The following ZAP70 variants were observed in gnomAD, a reference collection of about 807,000 sequenced individuals.
ZAP70 encodes the protein zeta chain of T cell receptor associated protein kinase 70.
In ZAP70, 27 loss-of-function variants were observed where a neutral mutation model predicts 65.8. The observed-to-expected ratio is 0.41, with a 90% CI of 0.30 to 0.57. The LOEUF (loss-of-function observed/expected upper bound fraction) is 0.57, where lower values mean the gene tolerates loss of function less well. Among genes scored for constraint, ZAP70 ranks in the 20% least tolerant of loss-of-function variants. The pLI is 0.28. For missense variants in ZAP70, 696 were observed against 870.5 expected (o/e 0.80, Z 2.52); for synonymous variants, 363 against 360.8 (o/e 1.01, Z -0.07).
chr2:97,730,000 G>C (rs13025484), intron 4 of ZAP70, among the ~76,000 whole-genome samples: 1 of 119,000 alleles, frequency 8.4e-6, no homozygotes, highest in African/African-American at 3.4e-5. Context: ...GCTGAGGCAG[G>C]CGGATCGTCT....
rs144729749 is a variant in ZAP70, at chr2:97,732,937, G to A, written c.618G>A (p.Lys206=). Residue 206 remains lysine (K), a synonymous_variant, in exon 5 of 14, where the codon AAG becomes AAA. Transcript: ENST00000264972. The part of the protein sequence containing the change: ...GTYALSLIYG[K]TVYHYLISQD... ...ACGCCCTGTCCCTCATCTATGGGAA[G>A]ACGGTGTACCACTACCTCATCAGCC... 6.2e-7 allele frequency: 1 copy of A among 1,614,122 alleles called. No homozygotes were observed. Among genetic ancestry groups the A allele is most frequent in the Non-Finnish European group, 8.5e-7 (1 of 1,180,038 alleles).
At chr2:97,738,464 A>C in intron 13 of ZAP70, 1 of 343,202 alleles carries the variant, frequency 2.9e-6, no homozygotes, top group Non-Finnish European at 5.6e-6. Context: ...AGTACCCAAC[A>C]CTCCAGTCCC....
the ZAP70 span, among the ~76,000 whole-genome samples, chr2:97,748,462 TGGCTATGAAGA>T: frequency 6.6e-6 from 1 of 152,174 alleles, no homozygotes; most frequent in Non-Finnish European, 1.5e-5. Flanking sequence ...AACAGGCTGG[TGGCTATGAAGA>T]GTCCGTTCTG....
chr2:97,730,955 T>TGAGGCAGGAGAATGGCATG (rs912386644), intron 4 of ZAP70, among the ~76,000 whole-genome samples: 2 of 148,440 alleles, frequency 1.3e-5, no homozygotes, highest in Non-Finnish European at 3.0e-5. Flanking sequence ...CTTGGGAGGC[T>TGAGGCAGGAGAATGGCATG]GAGGCAGGAG....
In ZAP70 at chr2:97,724,016, G is replaced by A. The variant is rs779952586; in HGVS notation, c.-21G>A. 1 of 1,543,904 alleles carries A rather than the reference G, an allele frequency of 6.5e-7. No individual in the cohort carries two copies. The highest frequency in any genetic ancestry group is 2.4e-5 in the East Asian group (1 of 41,498). On this transcript the variant is annotated splice_region_variant and 5_prime_UTR_variant, in exon 3 of 14. Transcript: ENST00000264972. ...CCTCCGACCCTCTGTGAACCCGCAG[G>A]TTTCGGGAGGCCCAGGGGCGATGCC...
At chr2:97,750,529 G>A in the ZAP70 span, among the ~76,000 whole-genome samples, 12 of 152,314 alleles carry the variant, frequency 7.9e-5, no homozygotes, top group African/African-American at 2.6e-4. Context: ...ATGGTGTGCA[G>A]TACCATCTAA....
At chr2:97,748,680 C>T in the ZAP70 span, among the ~76,000 whole-genome samples, 3 of 152,198 alleles carry the variant, frequency 2.0e-5, no homozygotes, top group Admixed American at 6.5e-5. Flanking sequence ...GCTAGCTGGG[C>T]GGGGTTCCCT....
the ZAP70 span, among the ~76,000 whole-genome samples, chr2:97,745,506 AGACTC>A: frequency 1.3e-4 from 20 of 152,264 alleles, 1 homozygote; most frequent in Admixed American, 3.3e-4. Context: ...ACTGGGCAAA[AGACTC>A]GAACAGACAT....
chr2:97,740,107 CCT>C (rs138229056), downstream of ZAP70, among the ~76,000 whole-genome samples: 1,567 of 152,192 alleles, frequency 0.01, 26 homozygotes, highest in African/African-American at 0.035. Context: ...GCCCAGCTCC[CCT>C]GTGTGGAGAT....
In ZAP70 at chr2:97,715,183, C is replaced by A. The variant is rs1013087817; in HGVS notation, c.-22+1189C>A. Among the ~76,000 whole-genome samples, 27 of 152,210 alleles carry A rather than the reference C, an allele frequency of 1.8e-4. No homozygotes were observed. The highest frequency in any genetic ancestry group is 5.8e-4 in the African/African-American group (24 of 41,446). On this transcript the variant is annotated intron_variant, in intron 2 of 13. Coordinates refer to ENST00000264972, the MANE Select transcript of ZAP70 (RefSeq NM_001079.4). The surrounding 1 kb of genome is among the most constrained non-coding windows in gnomAD (Gnocchi z 4.1). ...ACCCCGTGCTGACCACTCCCTGCCC[C>A]ACCCCAAGGTACAGGGTTAAGGCAG...
intron 9 of ZAP70, 129 bp from the exon 10 acceptor site, chr2:97,735,121 C>T (rs972058640): frequency 2.5e-6 from 3 of 1,178,290 alleles, no homozygotes; most frequent in African/African-American, 3.0e-5. Context: ...GCCTTGGTCC[C>T]AGCCTGGGTG....
In ZAP70 at chr2:97,722,431, A is replaced by G. The variant is rs72951143; in HGVS notation, c.-21-1585A>G. Among the ~76,000 whole-genome samples the G allele has an allele frequency of 1.0e-2, 1,520 of 152,330 alleles. 31 individuals carry two copies. Among genetic ancestry groups the G allele is most frequent in the African/African-American group, 0.035 (1,443 of 41,578 alleles). On this transcript the variant is annotated intron_variant, in intron 2 of 13. Transcript: ENST00000264972. ...TTTGTTGGTGATTTCAGTGGTTGAC[A>G]TGGCCCCCAACCATAGTGCTGAAAT...
chr2:97,727,273 G>A (rs1255641801), intron 4 of ZAP70, among the ~76,000 whole-genome samples: 2 of 152,234 alleles, frequency 1.3e-5, no homozygotes, highest in Admixed American at 6.5e-5. Context: ...TTTGCAAACG[G>A]TTGGTCGTAG....
chr2:97,739,771 G>C lies in ZAP70; in HGVS notation c.*273G>C, dbSNP rs1003495104. On this transcript the variant is annotated 3_prime_UTR_variant, in exon 14 of 14. Coordinates refer to ENST00000264972, the MANE Select transcript of ZAP70 (RefSeq NM_001079.4). ...CCTGAGCTGAGGGCATTGCTTACAC[G>C]GATGCCTTCCCCTGGGCCCTGACAT... is the stretch of plus-strand genomic sequence containing the variant. 1 of 509,928 alleles carries C rather than the reference G, an allele frequency of 2.0e-6. No homozygotes were observed. Among genetic ancestry groups the C allele is most frequent in the Non-Finnish European group, 3.5e-6 (1 of 285,350 alleles). The allele number at this position is 509,928 out of a possible 1,614,324, so 31.6% of individuals were successfully genotyped here.
chr2:97,724,522 G>A, intron 3 of ZAP70, 84 bp downstream of exon 3: 1 of 1,519,560 alleles, frequency 6.6e-7, no homozygotes, highest in Non-Finnish European at 8.8e-7. Context: ...TAGGAGGGAG[G>A]AAAAGGTCGT....
intron 13 of ZAP70, among the ~76,000 whole-genome samples, chr2:97,739,121 T>C (rs1167531769): frequency 6.6e-6 from 1 of 152,104 alleles, no homozygotes; most frequent in African/African-American, 2.4e-5. Flanking sequence ...TCCTCACTGG[T>C]CAACGCTCGG....
intron 3 of ZAP70, 71 bp from the exon 4 acceptor site, chr2:97,725,021 G>T (rs1677324188): frequency 6.3e-7 from 1 of 1,598,856 alleles, no homozygotes; most frequent in Non-Finnish European, 8.5e-7. Flanking sequence ...CTGGGACAGG[G>T]CTCCCGGAAG....
chr2:97,739,411 G>C lies in ZAP70; in HGVS notation c.1773G>C (p.Gln591His). ...EDRPDFLTVE[Q>H]RMRACYYSLA... ...GCCCCGACTTCCTGACCGTGGAGCA[G>C]CGCATGCGAGCCTGTTACTACAGCC... The change falls in exon 14 of 14, where the codon CAG (glutamine) becomes CAC (histidine). Residue 591 changes from glutamine to histidine, a missense_variant. By Grantham distance (24) the Gln-to-His change is conservative. Coordinates refer to ENST00000264972, the MANE Select transcript of ZAP70 (RefSeq NM_001079.4). 3 of 1,613,636 alleles carry C rather than the reference G, an allele frequency of 1.9e-6. No homozygotes were observed. Among genetic ancestry groups the C allele is most frequent in the Non-Finnish European group, 2.5e-6 (3 of 1,179,930 alleles).
the ZAP70 span, among the ~76,000 whole-genome samples, chr2:97,750,491 C>T: frequency 3.3e-5 from 5 of 152,148 alleles, no homozygotes; most frequent in Admixed American, 6.5e-5. Flanking sequence ...TGTTGTAAAG[C>T]GAGTTGTTGA....
Sources: gnomAD v4.1 joint callset for allele counts (sites outside exome capture counted in the v4.1 genomes callset) on GRCh38, gnomAD v4.1.1 for gene constraint, Gnocchi (gnomAD v3.1) non-coding constraint, MANE v1.5 for transcripts, NCBI Gene and HGNC (gene_info 2026-07-23, HGNC 2026-07-21) for gene names.